The following GON4L variants were observed in gnomAD, a reference collection of about 807,000 sequenced individuals.
GON4L encodes the protein GON-4-like protein.
In GON4L, 87 loss-of-function variants were observed where a neutral mutation model predicts 211.8. The observed-to-expected ratio is 0.41, with a 90% confidence interval of 0.35 to 0.49. GON4L has a LOEUF of 0.49. Among genes scored for constraint, GON4L ranks in the 20% least tolerant of loss-of-function variants. The pLI is 0.15. For synonymous variants in GON4L, 875 were observed against 962.6 expected (o/e 0.91, Z 1.68); for missense variants, 2,155 against 2,659.5 (o/e 0.81, Z 4.17).
intron 23 of GON4L, among the ~76,000 whole-genome samples, chr1:155,761,097 G>T (rs1661740539): frequency 6.6e-6 from 1 of 151,534 alleles, no homozygotes; most frequent in Non-Finnish European, 1.5e-5. Context: ...TTTCCAGGGG[G>T]ATAAAGGAAT....
chr1:155,772,575 A>C (rs1296592876), intron 18 of GON4L, among the ~76,000 whole-genome samples: 1 of 148,846 alleles, frequency 6.7e-6, no homozygotes, highest in Non-Finnish European at 1.5e-5. Flanking sequence ...TAACACAGAG[A>C]GACCCTCATC....
chr1:155,826,352 GTCAGGAGT>G (rs1206198080), intron 3 of GON4L, among the ~76,000 whole-genome samples: 1 of 152,036 alleles, frequency 6.6e-6, no homozygotes, highest in Non-Finnish European at 1.5e-5. Context: ...ATCATCTGAA[GTCAGGAGT>G]TCGAGACCAG....
intron 9 of GON4L, 127 bp downstream of exon 9, chr1:155,814,203 C>T: frequency 2.0e-6 from 2 of 994,092 alleles, no homozygotes; most frequent in Non-Finnish European, 1.6e-6. Context: ...GAACTGTTTA[C>T]TAACTTAAGA....
intron 1 of GON4L, among the ~76,000 whole-genome samples, chr1:155,855,787 C>G (rs113869131): frequency 0.066 from 9,974 of 151,980 alleles, 407 homozygotes; most frequent in African/African-American, 0.11. Context: ...TCGAGACCAG[C>G]CTGGTCAATA....
At chr1:155,751,647 C>T in intron 31 of GON4L, 120 bp downstream of exon 31, 1 of 705,544 alleles carries the variant, frequency 1.4e-6, no homozygotes, top group Non-Finnish European at 2.5e-6. Context: ...TTCCTTAGAT[C>T]AAACCTTTAC....
chr1:155,814,222 A>G, intron 9 of GON4L, 108 bp downstream of exon 9: 3 of 1,123,256 alleles, frequency 2.7e-6, no homozygotes, highest in Non-Finnish European at 4.0e-6. Context: ...GAAACTTTGA[A>G]AAAGGGTGAC....
intron 14 of GON4L, among the ~76,000 whole-genome samples, chr1:155,781,750 C>T (rs780320097): frequency 3.9e-5 from 6 of 151,900 alleles, no homozygotes; most frequent in South Asian, 4.2e-4. Flanking sequence ...CGTGAGCCAC[C>T]GCACCCGGCC....
chr1:155,789,702 G>C (rs1022002066), intron 12 of GON4L, among the ~76,000 whole-genome samples: 1 of 152,104 alleles, frequency 6.6e-6, no homozygotes, highest in African/African-American at 2.4e-5. Context: ...GAGATGGACA[G>C]CTGCATGATA....
At chr1:155,840,518 C>A (rs551043252) in intron 2 of GON4L, among the ~76,000 whole-genome samples, 1 of 152,280 alleles carries the variant, frequency 6.6e-6, no homozygotes, top group African/African-American at 2.4e-5. Flanking sequence ...TATATTTTTA[C>A]AGCCTCCTGA....
chr1:155,745,785 G>C, downstream of GON4L: 2 of 706,172 alleles, frequency 2.8e-6, no homozygotes, highest in South Asian at 3.5e-5. Context: ...TAGGAGCAGC[G>C]AGCGGCGCGG....
At chr1:155,803,933 C>T (rs1264792482) in intron 11 of GON4L, among the ~76,000 whole-genome samples, 2 of 152,154 alleles carry the variant, frequency 1.3e-5, no homozygotes, top group African/African-American at 2.4e-5. Context: ...CCTAACAGTG[C>T]CTCAGTTCCA....
chr1:155,781,309 AT>A lies in GON4L; in HGVS notation c.1892+2676del, dbSNP rs554278255. 1.5e-4 allele frequency among the ~76,000 whole-genome samples: 23 copies of A among 151,168 alleles called. No homozygotes were observed. The South Asian group carries it at 3.4e-3, about 22-fold the overall frequency. On this transcript the variant is annotated intron_variant, in intron 14 of 31. Transcript: ENST00000368331. The stretch of plus-strand genomic sequence containing the variant: ...AGGCACCTGCCAACACGTCCGACTA[AT>A]TTTTTTTGCATTTTTAGTAGAGACA...
intron 2 of GON4L, chr1:155,845,586 A>G: frequency 3.3e-6 from 1 of 304,940 alleles, no homozygotes; most frequent in Non-Finnish European, 6.6e-6. Context: ...TTAGCCCACG[A>G]TTATTTGAAA....
Position 155,765,630 on chromosome 1 carries a change from T to C in GON4L, c.3843A>G (p.Gly1281=). Residue 1281 remains glycine (G), a synonymous_variant, in exon 21 of 32, where the codon GGA becomes GGG. Transcript: ENST00000368331. ...PPLADAECQE[G]LSENSACRWT... ...AGCGACAGGCACTATTCTCTGACAA[T>C]CCTTCTTGGCACTCTGCATCTGCTA... The C allele has an allele frequency of 6.2e-7, 1 of 1,614,170 alleles. No individual in the cohort carries two copies. Among genetic ancestry groups the C allele is most frequent in the Non-Finnish European group, 8.5e-7 (1 of 1,180,020 alleles).
At chr1:155,842,383 G>C (rs1670849886) in intron 2 of GON4L, among the ~76,000 whole-genome samples, 2 of 152,044 alleles carry the variant, frequency 1.3e-5, no homozygotes, top group East Asian at 3.9e-4. Flanking sequence ...AATTAGCCGG[G>C]CATGGTGGCA....
rs367656870 is a variant in GON4L at position 155,763,524 on chromosome 1, C to T, written c.4514G>A (p.Arg1505His). ...TTCAGACTCACCCTCCTGACTCATGCGCCTTTCAGATGCCAGCCAAGTCAG... is the reference window on the plus strand; with the variant it reads ...TTCAGACTCACCCTCCTGACTCATGTGCCTTTCAGATGCCAGCCAAGTCAG... ...EKLTWLASER[R>H]MSQEGESEEE... Residue 1505 changes from arginine to histidine, a missense_variant, in exon 22 of 32, where the codon CGC becomes CAC. Physicochemically the swap from Arg to His is conservative, Grantham distance 29. Transcript: ENST00000368331. 36 of 1,549,228 alleles carry T rather than the reference C, an allele frequency of 2.3e-5. No homozygotes were observed. In the African/African-American group the frequency reaches 3.6e-4, roughly 15 times the overall value.
chr1:155,821,485 T>C lies in GON4L; in HGVS notation c.952A>G (p.Met318Val), dbSNP rs773192581. ...AATCAACTACTCACAAACATTGGCATATCTTCCGTCTCACTGATGGCTGCT... is the reference window on the plus strand; with the variant it reads ...AATCAACTACTCACAAACATTGGCACATCTTCCGTCTCACTGATGGCTGCT... ...MKAAISETED[M>V]PMFEPKMTRS... The change falls in exon 5 of 32, where the codon ATG becomes GTG. Residue 318 changes from methionine (M) to valine (V), a missense_variant. Met to Val is a conservative substitution (Grantham distance 21). Transcript: ENST00000368331. 1 of 1,584,796 alleles carries C rather than the reference T, an allele frequency of 6.3e-7. No homozygotes were observed. Among genetic ancestry groups the C allele is most frequent in the South Asian group, 1.1e-5 (1 of 90,560 alleles).
chr1:155,855,096 A>G (rs1672153843), intron 1 of GON4L, among the ~76,000 whole-genome samples: 1 of 151,990 alleles, frequency 6.6e-6, no homozygotes, highest in South Asian at 2.1e-4. Context: ...AACAAGGAAG[A>G]TAAGAGTCCT....
Position 155,849,899 on chromosome 1 carries a change from T to C in GON4L, c.505+3377A>G, listed in dbSNP as rs563279596. ...TATCTCCTTACTATTTTCTTTAAACTATCTCAAAGGAAATGCCTTTTTTCC... is the reference window on the plus strand; with the variant it reads ...TATCTCCTTACTATTTTCTTTAAACCATCTCAAAGGAAATGCCTTTTTTCC... On this transcript the variant is annotated intron_variant, in intron 2 of 31. Transcript: ENST00000368331. Among the ~76,000 whole-genome samples the C allele has an allele frequency of 2.7e-5, 4 of 150,366 alleles. No individual in the cohort carries two copies. The South Asian group carries it at 8.4e-4, about 32-fold the overall frequency.
Sources: gnomAD v4.1 joint callset for allele counts (sites outside exome capture counted in the v4.1 genomes callset) on GRCh38, gnomAD v4.1.1 for gene constraint, MANE v1.5 for transcripts, NCBI Gene and HGNC (gene_info 2026-07-23, HGNC 2026-07-21) for gene names.